RAD51B: variants seen among roughly 807,000 people sequenced by gnomAD.
RAD51B encodes the protein RAD51 paralog B.
In RAD51B, 38 loss-of-function variants were observed where a neutral mutation model predicts 42.2. That is an observed-to-expected ratio of 0.90 (90% CI 0.70 to 1.18). The LOEUF is 1.18. RAD51B is among the 50% of genes most tolerant of loss of function. The pLI is 0.00. For synonymous variants in RAD51B, 154 were observed against 145.2 expected (o/e 1.06, Z -0.43); for missense variants, 373 against 400.7 (o/e 0.93, Z 0.59).
chr14:68,348,195 G>C (rs569374548), intron 8 of RAD51B, among the ~76,000 whole-genome samples: 4 of 152,316 alleles, frequency 2.6e-5, no homozygotes, highest in Admixed American at 6.5e-5. Flanking sequence ...AAGCTTTGAT[G>C]ATAAATGTAG....
chr14:68,566,324 G>A (rs1248606535), intron 10 of RAD51B, among the ~76,000 whole-genome samples: 1 of 152,178 alleles, frequency 6.6e-6, no homozygotes, highest in African/African-American at 2.4e-5. Flanking sequence ...GGAAACTCTG[G>A]AGAATTAATA....
chr14:68,100,440 A>G (rs2077269518), intron 7 of RAD51B, among the ~76,000 whole-genome samples: 1 of 152,034 alleles, frequency 6.6e-6, no homozygotes, highest in Non-Finnish European at 1.5e-5. Context: ...CAGCCTCCCA[A>G]AGTGCTGAGA....
intron 10 of RAD51B, among the ~76,000 whole-genome samples, chr14:68,487,100 G>A (rs4899243): frequency 0.16 from 24,013 of 152,180 alleles, 1,961 homozygotes; most frequent in Middle Eastern, 0.25. Context: ...TGCTGTATTC[G>A]TCTGCTCAGG....
chr14:68,401,845 A>C (rs1375681408), intron 8 of RAD51B, among the ~76,000 whole-genome samples: 1 of 152,254 alleles, frequency 6.6e-6, no homozygotes, highest in Non-Finnish European at 1.5e-5. Context: ...ATTATAAATA[A>C]CAAAAGATAT....
In RAD51B at chr14:68,468,228, G is replaced by T. The variant is rs1314989347; in HGVS notation, c.1014G>T (p.Lys338Asn). The change falls in exon 10 of 11, where the codon AAG becomes AAT. Residue 338 changes from lysine to asparagine, a missense_variant. Physicochemically the swap from Lys to Asn is moderately conservative, Grantham distance 94 (BLOSUM62 0). Transcript: ENST00000471583. Reference protein sequence around the residue: ...APFTSFVYTIKEEGLVLQGQE... With the variant: ...APFTSFVYTINEEGLVLQGQE... ...TCACCTCATTTGTCTACACCATCAA[G>T]GAGGAAGGCCTGGTTCTTCAAGGTA... 6.2e-7 allele frequency: 1 copy of T among 1,613,752 alleles called. No individual in the cohort carries two copies. Among genetic ancestry groups the T allele is most frequent in the East Asian group, 2.2e-5 (1 of 44,890 alleles).
chr14:67,927,624 T>C (rs1385002916), intron 7 of RAD51B, among the ~76,000 whole-genome samples: 4 of 152,132 alleles, frequency 2.6e-5, no homozygotes, highest in Admixed American at 2.6e-4. Flanking sequence ...TTGCGTAACA[T>C]AATGACGTCC....
At position 68,466,940 on chromosome 14, in the gene RAD51B, C is replaced by A. The variant is rs928874456; in HGVS notation, c.958-1232C>A. Among the ~76,000 whole-genome samples, 36 of 152,220 alleles carry A rather than the reference C, an allele frequency of 2.4e-4. 1 individual carries two copies. Among genetic ancestry groups the A allele is most frequent in the African/African-American group, 8.4e-4 (35 of 41,450 alleles). On this transcript the variant is annotated intron_variant, in intron 9 of 10. Transcript: ENST00000471583. ...TTTTCATCACATTTTCCCACCACTT[C>A]TCATAGTTGACAGCAAATATTTGTT...
chr14:68,293,678 A>G (rs1311338822), intron 8 of RAD51B, among the ~76,000 whole-genome samples: 1 of 152,108 alleles, frequency 6.6e-6, no homozygotes, highest in Non-Finnish European at 1.5e-5. Flanking sequence ...AGGCTTATTT[A>G]AAGACTGCCT....
intron 8 of RAD51B, among the ~76,000 whole-genome samples, chr14:68,324,691 A>G (rs2082217693): frequency 6.6e-6 from 1 of 152,108 alleles, no homozygotes; most frequent in Admixed American, 6.5e-5. Flanking sequence ...TTTTTCACCT[A>G]GTTCCTTCAA....
At chr14:68,558,235 A>G (rs571559814) in intron 10 of RAD51B, among the ~76,000 whole-genome samples, 2 of 152,262 alleles carry the variant, frequency 1.3e-5, no homozygotes, top group East Asian at 3.9e-4. Flanking sequence ...AAGTAGTTGA[A>G]TATCTCCACC....
chr14:67,875,550 A>G (rs796897026), intron 5 of RAD51B, among the ~76,000 whole-genome samples: 2 of 152,174 alleles, frequency 1.3e-5, no homozygotes, highest in African/African-American at 4.8e-5. Context: ...CTGTGTTACA[A>G]TTGCCTACAA....
At chr14:68,235,769 A>G (rs911999375) in intron 7 of RAD51B, among the ~76,000 whole-genome samples, 9 of 149,508 alleles carry the variant, frequency 6.0e-5, no homozygotes, top group African/African-American at 2.2e-4. Flanking sequence ...TGTTCATTGT[A>G]GCACTATTCA....
intron 7 of RAD51B, among the ~76,000 whole-genome samples, chr14:68,276,681 A>G (rs1450521839): frequency 6.6e-6 from 1 of 152,146 alleles, no homozygotes; most frequent in African/African-American, 2.4e-5. Flanking sequence ...GAAGAACTAG[A>G]TTCAAAACCC....
intron 7 of RAD51B, among the ~76,000 whole-genome samples, chr14:67,992,053 T>A (rs542867434): frequency 1.3e-5 from 2 of 152,320 alleles, no homozygotes; most frequent in African/African-American, 4.8e-5. Flanking sequence ...ATCTTAGGAA[T>A]GTCTAGAACA....
At chr14:68,134,698 T>C (rs1008126921) in intron 7 of RAD51B, among the ~76,000 whole-genome samples, 5 of 152,196 alleles carry the variant, frequency 3.3e-5, no homozygotes, top group Non-Finnish European at 7.3e-5. Context: ...TTTTCATGTG[T>C]TTACTTGCCA....
intron 7 of RAD51B, among the ~76,000 whole-genome samples, chr14:68,078,961 G>A (rs2076875215): frequency 6.6e-6 from 1 of 152,144 alleles, no homozygotes; most frequent in South Asian, 2.1e-4. Context: ...CTGCACTCCC[G>A]CCTGGGCAAT....
intron 10 of RAD51B, chr14:68,540,717 G>C: frequency 1.0e-6 from 1 of 985,422 alleles, no homozygotes; most frequent in Non-Finnish European, 1.2e-6. Flanking sequence ...AAGAAAGAGA[G>C]GGTGGGTTTA....
At chr14:68,087,681 TA>T (rs2077005761) in intron 7 of RAD51B, among the ~76,000 whole-genome samples, 2 of 151,418 alleles carry the variant, frequency 1.3e-5, no homozygotes, top group South Asian at 2.1e-4. Context: ...TCTGTAACAT[TA>T]CCTGGTAATG....
intron 7 of RAD51B, among the ~76,000 whole-genome samples, chr14:68,189,253 A>G (rs567784532): frequency 6.6e-6 from 1 of 152,286 alleles, no homozygotes; most frequent in East Asian, 1.9e-4. Flanking sequence ...GGTAGGAACA[A>G]TATTTTAGTC....
Sources: allele counts gnomAD v4.1 joint callset (sites outside exome capture counted in the v4.1 genomes callset), GRCh38; gene constraint gnomAD v4.1.1; transcripts MANE v1.5; gene names NCBI Gene and HGNC (gene_info 2026-07-23, HGNC 2026-07-21).